SLC10A7: variants seen among roughly 807,000 people sequenced by gnomAD.
The protein encoded by SLC10A7 is solute carrier family 10 member 7, also known as sodium/bile acid cotransporter 7.
In SLC10A7, 29 loss-of-function variants were observed where a neutral mutation model predicts 43.2. The ratio of observed to expected loss-of-function variants is 0.67; its 90% CI spans 0.50 to 0.92. The LOEUF (loss-of-function observed/expected upper bound fraction) is 0.92. SLC10A7 is among the 40% of genes least tolerant of loss of function. The pLI is 0.00. For synonymous variants in SLC10A7, 152 were observed against 144.8 expected, an observed-to-expected ratio of 1.05 and a Z score of -0.35; for missense variants, 295 against 403.2, an observed-to-expected ratio of 0.73 and a Z score of 2.30.
intron 4 of SLC10A7, among the ~76,000 whole-genome samples, chr4:146,472,068 T>G (rs1281661264): frequency 2.0e-5 from 3 of 152,020 alleles, no homozygotes; most frequent in African/African-American, 7.2e-5. Context: ...ATACAAAATA[T>G]AAATCCTTCA....
At chr4:146,466,227 T>A (rs1376459835) in intron 4 of SLC10A7, among the ~76,000 whole-genome samples, 1 of 152,196 alleles carries the variant, frequency 6.6e-6, no homozygotes, top group African/African-American at 2.4e-5. Flanking sequence ...TTTTGTTATA[T>A]TATCTGAAAT....
intron 5 of SLC10A7, among the ~76,000 whole-genome samples, chr4:146,336,460 G>C (rs543622707): frequency 6.6e-6 from 1 of 152,058 alleles, no homozygotes; most frequent in East Asian, 1.9e-4. Context: ...CTAGTTAATA[G>C]TGTGTACAAT....
At chr4:146,264,132 A>G (rs1465608361) in intron 10 of SLC10A7, among the ~76,000 whole-genome samples, 1 of 152,188 alleles carries the variant, frequency 6.6e-6, no homozygotes, top group East Asian at 1.9e-4. Context: ...GCAAGTAAGG[A>G]TTTTCTTTTA....
chr4:146,452,610 T>C (rs1339176199), intron 4 of SLC10A7, among the ~76,000 whole-genome samples: 6 of 152,092 alleles, frequency 3.9e-5, no homozygotes, highest in Admixed American at 6.6e-5. Flanking sequence ...GACTACTTAA[T>C]TACCACTATT....
At chr4:146,340,547 A>C (rs371925858) in intron 5 of SLC10A7, among the ~76,000 whole-genome samples, 3 of 151,660 alleles carry the variant, frequency 2.0e-5, no homozygotes, top group Non-Finnish European at 2.9e-5. Flanking sequence ...AGAGAGAGAG[A>C]GAGAGAGAGA....
At chr4:146,402,068 T>C (rs894264402) in intron 5 of SLC10A7, among the ~76,000 whole-genome samples, 23 of 152,112 alleles carry the variant, frequency 1.5e-4, no homozygotes, top group African/African-American at 4.8e-4. Context: ...TGATACCCCA[T>C]TGGTGGAGAA....
At chr4:146,358,238 G>C (rs542810942) in intron 5 of SLC10A7, among the ~76,000 whole-genome samples, 5 of 152,180 alleles carry the variant, frequency 3.3e-5, no homozygotes, top group African/African-American at 7.2e-5. Context: ...AGAATGGGGA[G>C]GAGGTAGACC....
rs6854761 is a variant in SLC10A7 at position 146,503,052 on chromosome 4, C to T, written c.396+797G>A. On this transcript the variant is annotated intron_variant, in intron 4 of 11. Coordinates refer to ENST00000335472, the MANE Select transcript of SLC10A7 (RefSeq NM_001029998.6). ...TATATGTCAATGATACTTCCATAAA[C>T]CTGTTTTCAAAAAGAATATAGCAGG... 6.6e-3 allele frequency among the ~76,000 whole-genome samples: 1,009 copies of T among 152,214 alleles called. 15 individuals are homozygous for T. Among genetic ancestry groups the T allele is most frequent in the African/African-American group, 0.024 (985 of 41,536 alleles).
chr4:146,304,786 T>C (rs960970816), intron 7 of SLC10A7, among the ~76,000 whole-genome samples: 1 of 152,138 alleles, frequency 6.6e-6, no homozygotes, highest in African/African-American at 2.4e-5. Flanking sequence ...CAGAGCTGAG[T>C]TCAATTCCTG....
chr4:146,275,654 T>C (rs1378469937), intron 10 of SLC10A7, among the ~76,000 whole-genome samples: 1 of 152,096 alleles, frequency 6.6e-6, no homozygotes, highest in Non-Finnish European at 1.5e-5. Flanking sequence ...GCAGATAAGG[T>C]ATAAGCAGGA....
At chr4:146,515,590 C>T (rs1737874100) in intron 2 of SLC10A7, among the ~76,000 whole-genome samples, 1 of 152,080 alleles carries the variant, frequency 6.6e-6, no homozygotes, top group South Asian at 2.1e-4. Context: ...ATAGACACTA[C>T]ACAATGATCC....
chr4:146,302,095 TTG>T (rs1229430514), intron 7 of SLC10A7, among the ~76,000 whole-genome samples: 45 of 152,320 alleles, frequency 3.0e-4, no homozygotes, highest in Non-Finnish European at 4.4e-4. Flanking sequence ...TGCAGATTTT[TTG>T]TCTGTATGTT....
At chr4:146,491,898 A>G (rs868387852) in intron 4 of SLC10A7, among the ~76,000 whole-genome samples, 5 of 152,146 alleles carry the variant, frequency 3.3e-5, no homozygotes, top group South Asian at 2.1e-4. Context: ...TGCACTAAAC[A>G]GGATGTTCTC....
At chr4:146,305,569 T>A in intron 7 of SLC10A7, among the ~76,000 whole-genome samples, 1 of 123,230 alleles carries the variant, frequency 8.1e-6, no homozygotes, top group Non-Finnish European at 1.6e-5. Flanking sequence ...AAACTTAAAG[T>A]ATAATAATAA....
chr4:146,284,776 A>T (rs972029721), intron 9 of SLC10A7, among the ~76,000 whole-genome samples: 1 of 152,238 alleles, frequency 6.6e-6, no homozygotes, highest in East Asian at 1.9e-4. Flanking sequence ...TGGCTTTCAT[A>T]TTTCTTCATC....
intron 10 of SLC10A7, among the ~76,000 whole-genome samples, chr4:146,268,749 C>T (rs2111037081): frequency 6.6e-6 from 1 of 152,296 alleles, no homozygotes; most frequent in African/African-American, 2.4e-5. Flanking sequence ...CACACAGCAT[C>T]AGGACATAGC....
chr4:146,473,576 AG>A (rs1457335292), intron 4 of SLC10A7, among the ~76,000 whole-genome samples: 1 of 152,132 alleles, frequency 6.6e-6, no homozygotes, highest in East Asian at 1.9e-4. Flanking sequence ...CCCCTTAAAA[AG>A]GTTGCAAAGA....
At chr4:146,451,363 T>A (rs1731593023) in intron 4 of SLC10A7, among the ~76,000 whole-genome samples, 1 of 151,236 alleles carries the variant, frequency 6.6e-6, no homozygotes, top group Admixed American at 6.6e-5. Flanking sequence ...GAAGGAATCC[T>A]TCCTAATTCA....
At chr4:146,352,834 C>T (rs1190273641) in intron 5 of SLC10A7, among the ~76,000 whole-genome samples, 2 of 143,688 alleles carry the variant, frequency 1.4e-5, no homozygotes, top group African/African-American at 2.7e-5. Context: ...TTCTTTGAAA[C>T]CAATGAGAAC....
Sources: allele counts gnomAD v4.1 joint callset (sites outside exome capture counted in the v4.1 genomes callset), GRCh38; gene constraint gnomAD v4.1.1; transcripts MANE v1.5; gene names NCBI Gene and HGNC (gene_info 2026-07-23, HGNC 2026-07-21).